Variants in CLK3 observed in about 807,000 individuals in gnomAD.
The protein encoded by CLK3 is dual specificity protein kinase CLK3.
A neutral mutation model predicts 65.2 loss-of-function variants in CLK3; 24 were observed. That is an observed-to-expected ratio of 0.37 (90% CI 0.27 to 0.52). CLK3 has a LOEUF of 0.52. Ranked by LOEUF, CLK3 falls within the 20% of genes least tolerant of loss-of-function variation. CLK3 has a pLI of 0.92. For synonymous variants in CLK3, 252 were observed against 240.8 expected (o/e 1.05, Z -0.43); for missense variants, 506 against 660.0 (o/e 0.77, Z 2.56).
At chr15:74,614,611 C>G (rs2062031721), upstream of CLK3, among the ~76,000 whole-genome samples, 1 of 152,246 alleles carries the variant, frequency 6.6e-6, no homozygotes, top group South Asian at 2.1e-4. Flanking sequence ...CTTGAAACCC[C>G]CCGTTTCAGG....
chr15:74,612,208 T>C (rs1026521481), upstream of CLK3, among the ~76,000 whole-genome samples: 7 of 152,196 alleles, frequency 4.6e-5, no homozygotes, highest in Non-Finnish European at 1.0e-4. Flanking sequence ...CCCCTTCCAG[T>C]GTGGAAGTCT....
rs761197474 is a variant in CLK3, at chr15:74,627,973, T to A, written c.1046T>A (p.Leu349Gln). The A allele has an allele frequency of 6.2e-7, 1 of 1,612,448 alleles. No homozygotes were observed. Among genetic ancestry groups the A allele is most frequent in the South Asian group, 1.1e-5 (1 of 91,058 alleles). Reference sequence around the variant, plus strand: ...CTCTCCCCATCTTGGCTTGCAGAGCTGGGCTGGGCACAGCCCTGTGACGTC... The same window carrying A: ...CTCTCCCCATCTTGGCTTGCAGAGCAGGGCTGGGCACAGCCCTGTGACGTC... ...HYRPPEVILELGWAQPCDVWS... is the reference protein window; with the variant it reads ...HYRPPEVILEQGWAQPCDVWS... The change falls in exon 10 of 13, where the codon CTG becomes CAG. Residue 349 changes from leucine (L) to glutamine (Q), a missense_variant. This residue lies in a region of CLK3 where 325 missense variants were observed against 500.5 expected (regional missense o/e 0.65). Coordinates refer to ENST00000395066, the MANE Select transcript of CLK3 (RefSeq NM_001130028.2). The surrounding 1 kb of genome is among the most constrained non-coding windows in gnomAD (Gnocchi z 4.3).
Position 74,627,594 on chromosome 15 carries a change from G to GT in CLK3, c.969dup (p.Ala324CysfsTer4). 6.2e-7 allele frequency: 1 copy of GT among 1,614,202 alleles called. No homozygotes were observed. Among genetic ancestry groups the GT allele is most frequent in the Non-Finnish European group, 8.5e-7 (1 of 1,180,044 alleles). Reference sequence around the variant, plus strand: ...AGCATCCGAGTGGCTGACTTTGGCAGTGCCACATTTGACCATGAGCACCAC... The same window carrying GT: ...AGCATCCGAGTGGCTGACTTTGGCAGTTGCCACATTTGACCATGAGCACCAC... On this transcript the variant is annotated frameshift_variant, in exon 9 of 13. Coordinates refer to ENST00000395066, the MANE Select transcript of CLK3 (RefSeq NM_001130028.2). LOFTEE classifies it high-confidence loss of function. The surrounding 1 kb of genome is among the most constrained non-coding windows in gnomAD (Gnocchi z 4.3).
Position 74,622,885 on chromosome 15 carries a change from AG to A in CLK3, c.533+326del, listed in dbSNP as rs1427398802. On this transcript the variant is annotated intron_variant, in intron 5 of 12. Coordinates refer to ENST00000395066, the MANE Select transcript of CLK3 (RefSeq NM_001130028.2). The surrounding 1 kb of genome is among the most constrained non-coding windows in gnomAD (Gnocchi z 4.6). ...AGGCCCCGGCTCCCCTGTGGCTTGG[AG>A]CTGCTTCCTGTGATAACTTTTAGGT... 2.6e-5 allele frequency among the ~76,000 whole-genome samples: 4 copies of A among 152,202 alleles called. No individual in the cohort carries two copies. The highest frequency in any genetic ancestry group is 9.6e-5 in the African/African-American group (4 of 41,514).
upstream of CLK3, among the ~76,000 whole-genome samples, chr15:74,612,995 G>A (rs1218942768): frequency 6.6e-6 from 1 of 152,246 alleles, no homozygotes; most frequent in Non-Finnish European, 1.5e-5. Context: ...CCTGAGCAGG[G>A]GGGCAGGCCA....
rs1221565182 is a variant in CLK3, at chr15:74,622,197, C to T, written c.447C>T (p.Gly149=). 3 of 1,613,836 alleles carry T rather than the reference C, an allele frequency of 1.9e-6. No individual in the cohort carries two copies. The highest frequency in any genetic ancestry group is 2.5e-6 in the Non-Finnish European group (3 of 1,179,748). Residue 149 remains glycine (G), a synonymous_variant, in exon 4 of 13, where the codon GGC becomes GGT. Coordinates refer to ENST00000395066, the MANE Select transcript of CLK3 (RefSeq NM_001130028.2). The surrounding 1 kb of genome is among the most constrained non-coding windows in gnomAD (Gnocchi z 4.6). ...DKEGHLVCRI[G]DWLQERYEIV... Reference sequence around the variant, plus strand: ...AGGGTCACCTGGTGTGCCGGATCGGCGATTGGCTCCAAGAGCGATGTACAG... The same window carrying T: ...AGGGTCACCTGGTGTGCCGGATCGGTGATTGGCTCCAAGAGCGATGTACAG...
chr15:74,615,418 T>C (rs1344670997), upstream of CLK3: 13 of 1,264,070 alleles, frequency 1.0e-5, no homozygotes, highest in Non-Finnish European at 1.2e-5. Flanking sequence ...CACACAGACC[T>C]CAGGCCGCTC....
At chr15:74,609,572 G>A (rs1712233191) in intron 1 of CLK3, among the ~76,000 whole-genome samples, 1 of 152,234 alleles carries the variant, frequency 6.6e-6, no homozygotes, top group South Asian at 2.1e-4. Context: ...CTTTCCTGTG[G>A]GGCTGCCCCT....
chr15:74,610,972 C>A (rs1201350524), upstream of CLK3, among the ~76,000 whole-genome samples: 1 of 152,224 alleles, frequency 6.6e-6, no homozygotes, highest in African/African-American at 2.4e-5. Flanking sequence ...GCCATCTCCC[C>A]CTCTCTGGGG....
In CLK3 at chr15:74,624,786, T is replaced by C; in HGVS notation, c.534-116T>C. The C allele has an allele frequency of 4.0e-6, 3 of 742,912 alleles. No homozygotes were observed. Among genetic ancestry groups the C allele is most frequent in the Middle Eastern group, 3.6e-4 (1 of 2,752 alleles). 46.0% of individuals were successfully genotyped at this position (742,912 alleles called of 1,614,324 possible). A position where few individuals can be genotyped will look rare whatever the true frequency, so the allele number is the denominator to read the frequency against. On this transcript the variant is annotated intron_variant, in intron 5 of 12. Coordinates refer to ENST00000395066, the MANE Select transcript of CLK3 (RefSeq NM_001130028.2). This position sits in a 1 kb window ranked among gnomAD's most constrained non-coding sequence, Gnocchi z 4.2. Reference sequence around the variant, plus strand: ...GCTGGGCATCCAGTATCTGCTCTCTTCAGTGCCGGCTGCTCCTGGAGTGGT... The same window carrying C: ...GCTGGGCATCCAGTATCTGCTCTCTCCAGTGCCGGCTGCTCCTGGAGTGGT...
At chr15:74,613,697 C>T (rs563044023), upstream of CLK3, among the ~76,000 whole-genome samples, 64 of 152,224 alleles carry the variant, frequency 4.2e-4, no homozygotes, top group African/African-American at 1.5e-3. Flanking sequence ...AGAAGCTTCT[C>T]TGAGAACATC....
intron 2 of CLK3, 98 bp from the exon 3 acceptor site, chr15:74,619,911 T>TGTC: frequency 6.4e-7 from 1 of 1,566,210 alleles, no homozygotes; most frequent in Non-Finnish European, 8.6e-7. Flanking sequence ...TAGCACAGGC[T>TGTC]GTCCCCCTTT....
chr15:74,627,492 C>T lies in CLK3; in HGVS notation c.912+46C>T. 3 of 1,614,174 alleles carry T rather than the reference C, an allele frequency of 1.9e-6. No homozygotes were observed. ...GAGGCCCTGTTTCAGGGGTGGGTTA[C>T]CCGCTGGTGCAGACTCCTGACCTGG... On this transcript the variant is annotated intron_variant, in intron 8 of 12. Coordinates refer to ENST00000395066, the MANE Select transcript of CLK3 (RefSeq NM_001130028.2). This position sits in a 1 kb window ranked among gnomAD's most constrained non-coding sequence, Gnocchi z 4.3.
At chr15:74,612,607 C>T (rs1369586751), upstream of CLK3, among the ~76,000 whole-genome samples, 1 of 152,186 alleles carries the variant, frequency 6.6e-6, no homozygotes, top group Non-Finnish European at 1.5e-5. Context: ...CCCCACTCCT[C>T]ACATTCCCAG....
Position 74,627,474 on chromosome 15 carries a change from T to G in CLK3, c.912+28T>G, listed in dbSNP as rs779566183. On this transcript the variant is annotated intron_variant, in intron 8 of 12. Transcript: ENST00000395066. The surrounding 1 kb of genome is among the most constrained non-coding windows in gnomAD (Gnocchi z 4.3). ...ATTGGTGGGGGTAAGGGTGAGGCCC[T>G]GTTTCAGGGGTGGGTTACCCGCTGG... 1.9e-6 allele frequency: 3 copies of G among 1,614,040 alleles called. No individual in the cohort carries two copies. Among genetic ancestry groups the G allele is most frequent in the Non-Finnish European group, 2.5e-6 (3 of 1,179,978 alleles).
intron 10 of CLK3, among the ~76,000 whole-genome samples, chr15:74,628,363 T>G (rs1225132343): frequency 6.6e-6 from 1 of 152,094 alleles, no homozygotes; most frequent in East Asian, 1.9e-4. Flanking sequence ...CAGGGCATGT[T>G]CTGGGCAGGG....
At position 74,627,058 on chromosome 15, in the gene CLK3, G is replaced by C. The variant is rs1179961889; in HGVS notation, c.818-294G>C. 5 of 527,160 alleles carry C rather than the reference G, an allele frequency of 9.5e-6. No homozygotes were observed. Among genetic ancestry groups the C allele is most frequent in the African/African-American group, 9.5e-5 (5 of 52,766 alleles). 32.7% of individuals were successfully genotyped at this position (527,160 alleles called of 1,614,324 possible). A position where few individuals can be genotyped will look rare whatever the true frequency, so the allele number is the denominator to read the frequency against. ...TCGAGGCTGTTGCTGTAGCTCTGCT[G>C]AGAGACAGGTGAGGAGGCCTGGTCT... On this transcript the variant is annotated intron_variant, in intron 7 of 12. Transcript: ENST00000395066. The surrounding 1 kb of genome is among the most constrained non-coding windows in gnomAD (Gnocchi z 4.3).
chr15:74,611,216 G>A (rs576879805), upstream of CLK3, among the ~76,000 whole-genome samples: 1 of 152,292 alleles, frequency 6.6e-6, no homozygotes, highest in Non-Finnish European at 1.5e-5. Context: ...CAGCCTTGCT[G>A]GGGACTCCAT....
Position 74,615,881 on chromosome 15 carries a change from G to T in CLK3, c.-18G>T. On this transcript the variant is annotated 5_prime_UTR_variant, in exon 1 of 13. Coordinates refer to ENST00000395066, the MANE Select transcript of CLK3 (RefSeq NM_001130028.2). ...GAGCGGGGAGTGGGGCCTAGCTGCA[G>T]CCGGAGCCTGGGAGACGGTAAGTGT... 1 of 1,254,658 alleles carries T rather than the reference G, an allele frequency of 8.0e-7. No homozygotes were observed. The highest frequency in any genetic ancestry group is 1.0e-6 in the Non-Finnish European group (1 of 999,740). The allele number at this position is 1,254,658 out of a possible 1,614,324, so 77.7% of individuals were successfully genotyped here. A position where few individuals can be genotyped will look rare whatever the true frequency, so the allele number is the denominator to read the frequency against.
Sources: allele counts gnomAD v4.1 joint callset (sites outside exome capture counted in the v4.1 genomes callset), GRCh38; gene constraint gnomAD v4.1.1; regional missense constraint gnomAD v4.1.1; non-coding constraint Gnocchi (gnomAD v3.1); transcripts MANE v1.5; gene names NCBI Gene and HGNC (gene_info 2026-07-23, HGNC 2026-07-21).